Variants in UBR4 observed in about 807,000 individuals in gnomAD.
UBR4 encodes the protein E3 ubiquitin-protein ligase UBR4.
In UBR4, 124 loss-of-function variants were observed where a neutral mutation model predicts 575.6. The ratio of observed to expected loss-of-function variants is 0.22; its 90% CI spans 0.19 to 0.25. The LOEUF is 0.25. Among genes scored for constraint, UBR4 ranks in the 10% least tolerant of loss-of-function variants. UBR4 has a pLI of 1.00. For missense variants in UBR4, 4,818 were observed against 6,478.8 expected, an observed-to-expected ratio of 0.74 and a Z score of 8.80; for synonymous variants, 2,455 against 2,473.7, an observed-to-expected ratio of 0.99 and a Z score of 0.22.
intron 60 of UBR4, among the ~76,000 whole-genome samples, chr1:19,133,084 G>C (rs1428792957): frequency 6.6e-6 from 1 of 152,082 alleles, no homozygotes; most frequent in Non-Finnish European, 1.5e-5. Flanking sequence ...AAGAGAAAAG[G>C]GGATCATGCC....
chr1:19,106,890 T>C lies in UBR4; in HGVS notation c.12182A>G (p.Lys4061Arg), dbSNP rs983023084. The change falls in exon 82 of 106, where the codon AAG becomes AGG. Residue 4061 changes from lysine (K) to arginine (R), a missense_variant. Around this residue, in one of 29 missense-constraint regions of UBR4, gnomAD observed 333 missense variants for 459.2 expected, o/e 0.73. Coordinates refer to ENST00000375254, the MANE Select transcript of UBR4 (RefSeq NM_020765.3). Reference protein sequence around the residue: ...EIHAQAQLWLKRDPKASYDAW... With the variant: ...EIHAQAQLWLRRDPKASYDAW... ...ATCATAGGATGCCTTGGGGTCTCTC[T>C]TGAGCCACAGTTGAGCCTGGGCATG... The C allele has an allele frequency of 1.2e-6, 2 of 1,613,706 alleles. No individual in the cohort carries two copies. The highest frequency in any genetic ancestry group is 1.7e-5 in the Admixed American group (1 of 60,020).
intron 28 of UBR4, among the ~76,000 whole-genome samples, 199 bp from the exon 29 acceptor site, chr1:19,167,430 T>C (rs1209879030): frequency 1.3e-5 from 2 of 152,244 alleles, no homozygotes; most frequent in African/African-American, 4.8e-5. Flanking sequence ...TTTTTCATTA[T>C]TATATCAGAA....
chr1:19,097,050 T>G (rs2078134210), intron 91 of UBR4, 143 bp downstream of exon 91: 3 of 611,286 alleles, frequency 4.9e-6, no homozygotes, highest in Non-Finnish European at 7.9e-6. Context: ...CACCTCTTTT[T>G]TTCCTCAATT....
Position 19,074,622 on chromosome 1 carries a change from G to C in UBR4, c.*210C>G, listed in dbSNP as rs1297926134. On this transcript the variant is annotated 3_prime_UTR_variant, in exon 106 of 106. Coordinates refer to ENST00000375254, the MANE Select transcript of UBR4 (RefSeq NM_020765.3). Reference sequence around the variant, plus strand: ...GTATGTACAGGCCCTTTGATGGCTTGGGTTACAGACAACCTCATAGCTGGT... The same window carrying C: ...GTATGTACAGGCCCTTTGATGGCTTCGGTTACAGACAACCTCATAGCTGGT... 3 of 606,624 alleles carry C rather than the reference G, an allele frequency of 4.9e-6. No individual in the cohort carries two copies. The highest frequency in any genetic ancestry group is 5.8e-6 in the Non-Finnish European group (2 of 341,916). 37.6% of individuals were successfully genotyped at this position (606,624 alleles called of 1,614,324 possible). A position where few individuals can be genotyped will look rare whatever the true frequency, so the allele number is the denominator to read the frequency against.
chr1:19,097,186 G>GTAGTACTGCAC lies in UBR4; in HGVS notation c.13390+6_13390+7insGTGCAGTACTA, dbSNP rs751389055. The GTAGTACTGCAC allele has an allele frequency of 6.2e-7, 1 of 1,609,352 alleles. No individual in the cohort carries two copies. The highest frequency in any genetic ancestry group is 8.5e-7 in the Non-Finnish European group (1 of 1,178,280). On this transcript the variant is annotated splice_region_variant and intron_variant, in intron 91 of 105. Transcript: ENST00000375254. ...CCTCAGATCCAATGTGCAGTGCCATGATCTACCTGTAGTAGAGTCCAGGGA... is the reference window on the plus strand; with the variant it reads ...CCTCAGATCCAATGTGCAGTGCCATGTAGTACTGCACATCTACCTGTAGTAGAGTCCAGGGA...
intron 81 of UBR4, 47 bp from the exon 82 acceptor site, chr1:19,107,013 T>C: frequency 6.2e-7 from 1 of 1,604,036 alleles, no homozygotes; most frequent in South Asian, 1.1e-5. Context: ...AGGGCACACC[T>C]GAGCCATAGC....
At chr1:19,128,017 C>G (rs1476412014) in intron 62 of UBR4, among the ~76,000 whole-genome samples, 194 bp downstream of exon 62, 7 of 152,190 alleles carry the variant, frequency 4.6e-5, no homozygotes, top group Admixed American at 4.6e-4. Flanking sequence ...TTGCCCTCAA[C>G]TATGCTCAGG....
intron 88 of UBR4, 25 bp downstream of exon 88, chr1:19,101,495 C>T (rs745624370): frequency 2.5e-5 from 40 of 1,591,902 alleles, no homozygotes; most frequent in Non-Finnish European, 3.4e-5. Context: ...CACTCGAGAG[C>T]CATGGGAAGC....
chr1:19,192,160 T>C (rs755189590), intron 11 of UBR4, 28 bp downstream of exon 11: 23 of 1,592,904 alleles, frequency 1.4e-5, no homozygotes, highest in Non-Finnish European at 1.9e-5. Context: ...TAAAACAAAA[T>C]ATAAGTTATA....
chr1:19,207,619 A>T (rs915700762), intron 1 of UBR4, among the ~76,000 whole-genome samples: 3 of 152,148 alleles, frequency 2.0e-5, no homozygotes, highest in Non-Finnish European at 4.4e-5. Context: ...ACACAGCAAG[A>T]CTCTGTCTCC....
chr1:19,144,227 C>T (rs1029547815), intron 54 of UBR4, 136 bp from the exon 55 acceptor site: 23 of 701,304 alleles, frequency 3.3e-5, no homozygotes, highest in African/African-American at 3.0e-4. Context: ...ACCCAGCGGA[C>T]CAAGTTCAGC....
At chr1:19,185,390 C>A in intron 14 of UBR4, 104 bp from the exon 15 acceptor site, 1 of 1,145,242 alleles carries the variant, frequency 8.7e-7, no homozygotes, top group Non-Finnish European at 1.2e-6. Flanking sequence ...ACAAGGATAT[C>A]CCAATTGTGA....
rs749581631 is a variant in UBR4 at position 19,078,006 on chromosome 1, G to C, written c.15294C>G (p.Ala5098=). The C allele has an allele frequency of 1.2e-6, 2 of 1,613,910 alleles. No individual in the cohort carries two copies. The highest frequency in any genetic ancestry group is 2.7e-5 in the African/African-American group (2 of 74,830). ...SAYRSSLLFW[A]LVDLIYNMFK... Reference sequence around the variant, plus strand: ...ACATGTTGTAAATGAGATCGACGAGGGCCCAAAAGAGAAGGGAAGAACGGT... The same window carrying C: ...ACATGTTGTAAATGAGATCGACGAGCGCCCAAAAGAGAAGGGAAGAACGGT... Residue 5098 remains alanine, a synonymous_variant, in exon 104 of 106, where the codon GCC becomes GCG. Transcript: ENST00000375254.
intron 3 of UBR4, among the ~76,000 whole-genome samples, chr1:19,199,232 C>G (rs1185061964): frequency 6.6e-6 from 1 of 152,200 alleles, no homozygotes; most frequent in East Asian, 1.9e-4. Flanking sequence ...GCAGTAATAA[C>G]CCAGAGCCAA....
intron 1 of UBR4, among the ~76,000 whole-genome samples, chr1:19,208,640 C>T (rs10917189): frequency 0.66 from 100,150 of 151,470 alleles, 33,821 homozygotes; most frequent in African/African-American, 0.79. Context: ...CTACCACATA[C>T]ATGGCAAAAT....
chr1:19,155,650 C>G lies in UBR4; in HGVS notation c.6091G>C (p.Asp2031His). The G allele has an allele frequency of 6.2e-7, 1 of 1,614,090 alleles. No individual in the cohort carries two copies. Among genetic ancestry groups the G allele is most frequent in the East Asian group, 2.2e-5 (1 of 44,878 alleles). The change falls in exon 43 of 106, where the codon GAT becomes CAT. Residue 2031 changes from aspartate to histidine, a missense_variant. Asp to His is a moderately conservative substitution (Grantham distance 81). Coordinates refer to ENST00000375254, the MANE Select transcript of UBR4 (RefSeq NM_020765.3). ...DFVKIYDLCV[D>H]ALSPTFYFLL... ...AAATAGAAGGTTGGACTCAAGGCAT[C>G]AACACACAGGTCATAAATCTGCAGG...
intron 25 of UBR4, among the ~76,000 whole-genome samples, chr1:19,171,658 T>C (rs1557892357): frequency 6.6e-6 from 1 of 152,084 alleles, no homozygotes; most frequent in Admixed American, 6.5e-5. Flanking sequence ...CTGGCCAACA[T>C]GGAGAAACCC....
At position 19,076,858 on chromosome 1, in the gene UBR4, G is replaced by GA; in HGVS notation, c.15368dup (p.Ala5124ArgfsTer2). 1.9e-6 allele frequency: 3 copies of GA among 1,608,160 alleles called. No individual in the cohort carries two copies. Among genetic ancestry groups the GA allele is most frequent in the Non-Finnish European group, 2.5e-6 (3 of 1,177,290 alleles). The stretch of plus-strand genomic sequence containing the variant: ...TGTCGTTGTGGCGGATGTACTCAGC[G>GA]AGAGAGCAGGACCAGCCTCCCTCTG... On this transcript the variant is annotated frameshift_variant, in exon 105 of 106. Coordinates refer to ENST00000375254, the MANE Select transcript of UBR4 (RefSeq NM_020765.3). LOFTEE classifies it high-confidence loss of function.
chr1:19,148,352 C>T (rs1440257239), intron 50 of UBR4, among the ~76,000 whole-genome samples: 1 of 152,120 alleles, frequency 6.6e-6, no homozygotes, highest in African/African-American at 2.4e-5. Context: ...GTTCTTGTAC[C>T]AACACGCATC....
Sources: allele counts gnomAD v4.1 joint callset (sites outside exome capture counted in the v4.1 genomes callset), GRCh38; gene constraint gnomAD v4.1.1; regional missense constraint gnomAD v4.1.1; transcripts MANE v1.5; gene names NCBI Gene and HGNC (gene_info 2026-07-23, HGNC 2026-07-21).